The following WWOX variants were observed in gnomAD, a reference collection of about 807,000 sequenced individuals.
WWOX encodes WW domain containing oxidoreductase, also known as WW domain-containing oxidoreductase.
A neutral mutation model predicts 46.2 loss-of-function variants in WWOX; 69 were observed. The observed-to-expected ratio is 1.49, with a 90% CI of 1.23 to 1.82. The LOEUF (loss-of-function observed/expected upper bound fraction) is 1.82. Among genes scored for constraint, WWOX ranks in the 40% most tolerant of loss-of-function variants. The pLI is 0.00. For missense variants in WWOX, 919 were observed against 542.6 expected (o/e 1.69, Z -6.89); for synonymous variants, 359 against 202.6 (o/e 1.77, Z -6.56).
intron 4 of WWOX, among the ~76,000 whole-genome samples, chr16:78,142,657 A>G (rs2151708959): frequency 6.6e-6 from 1 of 152,342 alleles, no homozygotes; most frequent in South Asian, 2.1e-4. Context: ...TTTCCTTGAT[A>G]TACAATATTG....
chr16:78,606,227 A>G (rs2045753145), intron 8 of WWOX, among the ~76,000 whole-genome samples: 1 of 152,222 alleles, frequency 6.6e-6, no homozygotes, highest in South Asian at 2.1e-4. Context: ...CTTTTCAACA[A>G]AAACTGGCTC....
At chr16:78,890,928 A>G (rs2044576334) in intron 8 of WWOX, 1 of 152,208 alleles carries the variant, frequency 6.6e-6, no homozygotes, top group Admixed American at 6.5e-5. Context: ...ATCAGGGGGA[A>G]CAAACCTGTC....
At chr16:78,986,523 TA>T in intron 8 of WWOX, among the ~76,000 whole-genome samples, 1 of 152,318 alleles carries the variant, frequency 6.6e-6, no homozygotes, top group East Asian at 1.9e-4. Context: ...TTCATGTAAG[TA>T]ACCTGTGCAG....
intron 8 of WWOX, among the ~76,000 whole-genome samples, chr16:79,150,776 G>C (rs762273985): frequency 6.6e-6 from 1 of 152,108 alleles, no homozygotes; most frequent in Admixed American, 6.5e-5. Flanking sequence ...TGGGTAGCCG[G>C]GACTACAGGC....
chr16:78,833,993 C>T (rs1597693388), intron 8 of WWOX, among the ~76,000 whole-genome samples: 3 of 152,166 alleles, frequency 2.0e-5, no homozygotes, highest in Admixed American at 1.3e-4. Context: ...GTTTATTAAG[C>T]ATTTGGAACA....
chr16:78,948,184 G>A (rs2045985504), intron 8 of WWOX, among the ~76,000 whole-genome samples: 1 of 152,182 alleles, frequency 6.6e-6, no homozygotes, highest in Admixed American at 6.5e-5. Flanking sequence ...GGTTTGTCAG[G>A]ACATTTAGAA....
chr16:78,425,973 G>C (rs191582696), intron 7 of WWOX, among the ~76,000 whole-genome samples: 1 of 152,238 alleles, frequency 6.6e-6, no homozygotes, highest in Non-Finnish European at 1.5e-5. Flanking sequence ...CCTGGGACTT[G>C]GAAGAGAGAG....
intron 8 of WWOX, among the ~76,000 whole-genome samples, chr16:78,475,701 T>C (rs1266283890): frequency 6.6e-6 from 1 of 152,204 alleles, no homozygotes; most frequent in African/African-American, 2.4e-5. Flanking sequence ...GTTCAAGTGA[T>C]TCTGATGTCT....
rs556671478 is a variant in WWOX at position 79,095,748 on chromosome 16, G to C, written c.1057-115860G>C. ...GGAGTTTACATGTGAGAGGAGCAAG[G>C]GACAAACCTCACAAATAGGAATACA... On this transcript the variant is annotated intron_variant, in intron 8 of 8. Transcript: ENST00000566780. Among the ~76,000 whole-genome samples the C allele has an allele frequency of 2.0e-5, 3 of 151,932 alleles. No homozygotes were observed. In the South Asian group the frequency reaches 6.2e-4, roughly 32 times the overall value.
intron 8 of WWOX, among the ~76,000 whole-genome samples, chr16:78,914,637 T>C (rs533749827): frequency 1.3e-5 from 2 of 151,900 alleles, no homozygotes; most frequent in Admixed American, 6.6e-5. Flanking sequence ...CCCAGCACTT[T>C]GGGAGGCGGA....
intron 3 of WWOX, 144 bp from the exon 4 acceptor site, chr16:78,114,832 T>G: frequency 1.0e-6 from 1 of 1,003,548 alleles, no homozygotes; most frequent in Non-Finnish European, 1.5e-6. Flanking sequence ...AGAAGATAGA[T>G]TCAGTGGGCC....
chr16:79,126,094 C>T (rs1421533242), intron 8 of WWOX, among the ~76,000 whole-genome samples: 1 of 152,136 alleles, frequency 6.6e-6, no homozygotes, highest in East Asian at 1.9e-4. Context: ...ACATAATGTG[C>T]CCTGGAGTTT....
chr16:79,130,345 A>C (rs2049850902), intron 8 of WWOX, among the ~76,000 whole-genome samples: 1 of 152,236 alleles, frequency 6.6e-6, no homozygotes, highest in Non-Finnish European at 1.5e-5. Context: ...AAAATAACAT[A>C]CAGCATGATG....
intron 8 of WWOX, among the ~76,000 whole-genome samples, chr16:79,177,714 C>T (rs2050828888): frequency 6.6e-6 from 1 of 152,136 alleles, no homozygotes; most frequent in Admixed American, 6.6e-5. Flanking sequence ...GTAGTCCCAG[C>T]CTTACTTATT....
At chr16:79,126,313 G>T (rs2049753007) in intron 8 of WWOX, among the ~76,000 whole-genome samples, 1 of 152,134 alleles carries the variant, frequency 6.6e-6, no homozygotes, top group Admixed American at 6.5e-5. Context: ...CTGATCAAGT[G>T]ATATGATTTG....
intron 5 of WWOX, among the ~76,000 whole-genome samples, chr16:78,359,575 G>T (rs1460333597): frequency 6.6e-6 from 1 of 152,060 alleles, no homozygotes; most frequent in Admixed American, 6.5e-5. Context: ...GAGTTTTTCA[G>T]CATCTTATAG....
At chr16:79,015,439 G>T (rs987437332) in intron 8 of WWOX, among the ~76,000 whole-genome samples, 1 of 152,166 alleles carries the variant, frequency 6.6e-6, no homozygotes, top group Non-Finnish European at 1.5e-5. Context: ...TGATGGTGAG[G>T]ATTTAAGAGT....
intron 8 of WWOX, among the ~76,000 whole-genome samples, chr16:79,207,803 C>T (rs1239872353): frequency 1.3e-5 from 2 of 151,060 alleles, no homozygotes; most frequent in African/African-American, 4.9e-5. Flanking sequence ...TTTTTCTTTA[C>T]CATATATTGT....
At chr16:78,788,367 C>CTTCT (rs2050508490) in intron 8 of WWOX, among the ~76,000 whole-genome samples, 1 of 152,164 alleles carries the variant, frequency 6.6e-6, no homozygotes, top group Non-Finnish European at 1.5e-5. Context: ...GTCTCCTGTC[C>CTTCT]TTCTTTCACC....
Sources: gnomAD v4.1 joint callset for allele counts (sites outside exome capture counted in the v4.1 genomes callset) on GRCh38, gnomAD v4.1.1 for gene constraint, MANE v1.5 for transcripts, NCBI Gene and HGNC (gene_info 2026-07-23, HGNC 2026-07-21) for gene names.